ASAP1: variants seen among roughly 807,000 people sequenced by gnomAD.
ASAP1 encodes the protein arf-GAP with SH3 domain, ANK repeat and PH domain-containing protein 1.
ASAP1 carries 43 observed loss-of-function variants against 145.2 expected under a neutral mutation model. The observed-to-expected ratio is 0.30, with a 90% CI of 0.23 to 0.38. ASAP1 has a LOEUF of 0.38. Among genes scored for constraint, ASAP1 ranks in the 10% least tolerant of loss-of-function variants. The pLI is 1.00. For synonymous variants in ASAP1, 546 were observed against 515.5 expected (o/e 1.06, Z -0.80); for missense variants, 1,018 against 1,355.3 (o/e 0.75, Z 3.91).
intron 26 of ASAP1, among the ~76,000 whole-genome samples, chr8:130,079,081 G>T (rs563916203): frequency 6.6e-6 from 1 of 152,288 alleles, no homozygotes; most frequent in African/African-American, 2.4e-5. Context: ...TCTGGTTCCA[G>T]CTACTCGGGA....
Position 130,187,294 on chromosome 8 carries a change from C to T in ASAP1, c.481-9G>A, listed in dbSNP as rs564558529. 1.0e-3 allele frequency: 1,633 copies of T among 1,605,606 alleles called. 35 individuals are homozygous for T. In the South Asian group the frequency reaches 0.017, roughly 17 times the overall value. ...AATGGCTTCTTGAGATCCTTAGAAA[C>T]GAGAAAATGAGATTAAAATTGCAAC... On this transcript the variant is annotated splice_polypyrimidine_tract_variant and intron_variant, in intron 6 of 29. Transcript: ENST00000518721.
At chr8:130,353,657 G>C (rs368551754) in intron 3 of ASAP1, among the ~76,000 whole-genome samples, 5 of 152,174 alleles carry the variant, frequency 3.3e-5, no homozygotes, top group Non-Finnish European at 5.9e-5. Flanking sequence ...ATCACTTGAG[G>C]TCGGGAGTTT....
At chr8:130,261,612 A>C (rs1245224191) in intron 3 of ASAP1, among the ~76,000 whole-genome samples, 1 of 152,020 alleles carries the variant, frequency 6.6e-6, no homozygotes, top group East Asian at 1.9e-4. Context: ...CCTAACACAC[A>C]CTCTGGCCCA....
intron 3 of ASAP1, among the ~76,000 whole-genome samples, chr8:130,328,930 A>C (rs1824511054): frequency 6.6e-6 from 1 of 152,024 alleles, no homozygotes; most frequent in South Asian, 2.1e-4. Context: ...ATAGATTTTT[A>C]TGGTTGTTAA....
intron 1 of ASAP1, among the ~76,000 whole-genome samples, chr8:130,428,232 C>T (rs1258686887): frequency 6.6e-6 from 1 of 151,878 alleles, no homozygotes; most frequent in African/African-American, 2.4e-5. Context: ...TTTGAATCAC[C>T]TGCTCCTAGT....
At chr8:130,249,255 C>A (rs1485850212) in intron 3 of ASAP1, among the ~76,000 whole-genome samples, 1 of 152,148 alleles carries the variant, frequency 6.6e-6, no homozygotes, top group Non-Finnish European at 1.5e-5. Flanking sequence ...TCAAGTGGAA[C>A]CCCCAACCAT....
chr8:130,116,699 T>C lies in ASAP1; in HGVS notation c.2043A>G (p.Lys681=). 6.2e-7 allele frequency: 1 copy of C among 1,614,154 alleles called. No individual in the cohort carries two copies. Among genetic ancestry groups the C allele is most frequent in the Non-Finnish European group, 8.5e-7 (1 of 1,180,002 alleles). Residue 681 remains lysine (K), a synonymous_variant, in exon 22 of 30, where the codon AAA becomes AAG. Transcript: ENST00000518721. ...TTACCAGATCTTCACACTGGGTAGC[T>C]TTTAGTCTCTTTGCTATGTCTAGGG... ...ETALDIAKRL[K]ATQCEDLLSQ...
intron 3 of ASAP1, among the ~76,000 whole-genome samples, chr8:130,294,033 C>T (rs149883337): frequency 7.1e-4 from 108 of 152,282 alleles, no homozygotes; most frequent in African/African-American, 2.3e-3. Flanking sequence ...AATAATCTTA[C>T]GTAATAGGTA....
chr8:130,119,825 G>A (rs778732191), intron 18 of ASAP1, among the ~76,000 whole-genome samples: 2 of 151,842 alleles, frequency 1.3e-5, no homozygotes, highest in African/African-American at 2.4e-5. Context: ...ATCTGAAAAT[G>A]GGGATAAGAC....
intron 3 of ASAP1, among the ~76,000 whole-genome samples, chr8:130,326,377 T>G (rs1824331520): frequency 6.6e-6 from 1 of 152,200 alleles, no homozygotes; most frequent in Non-Finnish European, 1.5e-5. Context: ...TCCTACAACT[T>G]TTATAAAACA....
At chr8:130,077,406 C>T (rs575040953) in intron 26 of ASAP1, among the ~76,000 whole-genome samples, 1 of 152,290 alleles carries the variant, frequency 6.6e-6, no homozygotes, top group East Asian at 1.9e-4. Flanking sequence ...TCAGAGGACA[C>T]CAGGAGGCCT....
At chr8:130,115,584 G>A (rs963763434) in intron 23 of ASAP1, 44 bp downstream of exon 23, 1 of 1,448,116 alleles carries the variant, frequency 6.9e-7, no homozygotes, top group Non-Finnish European at 9.7e-7. Context: ...GACTAGAAAA[G>A]TTGGGGTAGT....
intron 13 of ASAP1, among the ~76,000 whole-genome samples, chr8:130,148,835 C>T (rs2097639259): frequency 6.6e-6 from 1 of 151,710 alleles, no homozygotes; most frequent in Non-Finnish European, 1.5e-5. Context: ...AGTTTTGAGG[C>T]TAAAACTTTT....
chr8:130,161,543 A>C (rs182605196), intron 11 of ASAP1, among the ~76,000 whole-genome samples: 1 of 152,314 alleles, frequency 6.6e-6, no homozygotes, highest in Admixed American at 6.5e-5. Flanking sequence ...CACTCTCACC[A>C]TATCACTGTC....
At chr8:130,103,145 G>A (rs1269920426) in intron 24 of ASAP1, among the ~76,000 whole-genome samples, 2 of 152,002 alleles carry the variant, frequency 1.3e-5, no homozygotes, top group Non-Finnish European at 2.9e-5. Flanking sequence ...TTCAATCTTG[G>A]TGGTTGTTTC....
At chr8:130,394,414 C>T (rs1828428889) in intron 2 of ASAP1, among the ~76,000 whole-genome samples, 1 of 152,084 alleles carries the variant, frequency 6.6e-6, no homozygotes, top group South Asian at 2.1e-4. Context: ...GAAATTCCCG[C>T]CTAATAAATT....
intron 3 of ASAP1, among the ~76,000 whole-genome samples, chr8:130,300,184 A>AGAGAGAGAGAGAGCGAGCGAGC (rs761456724): frequency 4.3e-5 from 6 of 140,362 alleles, no homozygotes; most frequent in African/African-American, 1.7e-4. Flanking sequence ...AGAGAGAGAG[A>AGAGAGAGAGAGAGCGAGCGAGC]GAGCGAGCGA....
chr8:130,243,714 C>T (rs746637436), intron 3 of ASAP1, among the ~76,000 whole-genome samples: 16 of 152,164 alleles, frequency 1.1e-4, no homozygotes, highest in South Asian at 2.1e-4. Context: ...TAAATCTAAA[C>T]GGGCCTAGCT....
intron 3 of ASAP1, among the ~76,000 whole-genome samples, chr8:130,312,983 A>G (rs977598460): frequency 6.6e-6 from 1 of 152,242 alleles, no homozygotes; most frequent in Admixed American, 6.5e-5. Flanking sequence ...TAAATTAAAA[A>G]ATGACTTGGC....
Sources: allele counts gnomAD v4.1 joint callset (sites outside exome capture counted in the v4.1 genomes callset), GRCh38; gene constraint gnomAD v4.1.1; transcripts MANE v1.5; gene names NCBI Gene and HGNC (gene_info 2026-07-23, HGNC 2026-07-21).